ZNF341: variants seen among roughly 807,000 people sequenced by gnomAD.
ZNF341 encodes zinc finger protein 341.
A neutral mutation model predicts 87.7 loss-of-function variants in ZNF341; 52 were observed. The observed-to-expected ratio is 0.59, with a 90% CI of 0.47 to 0.75. The LOEUF (loss-of-function observed/expected upper bound fraction) is 0.75, where lower values mean the gene tolerates loss of function less well. Among genes scored for constraint, ZNF341 ranks in the 30% least tolerant of loss-of-function variants. The pLI, the probability that ZNF341 is intolerant of heterozygous loss-of-function variation, is 0.00. For synonymous variants in ZNF341, 459 were observed against 472.7 expected, an observed-to-expected ratio of 0.97 and a Z score of 0.38; for missense variants, 977 against 1,145.9, an observed-to-expected ratio of 0.85 and a Z score of 2.13.
rs763766522 is a variant in ZNF341 at position 33,770,070 on chromosome 20, C to T, written c.1414-14C>T. On this transcript the variant is annotated splice_polypyrimidine_tract_variant and intron_variant, in intron 9 of 14. Transcript: ENST00000375200. ...CTCCTGCCTCCTGTCACCTGCCCAG[C>T]GTCTTCCCTCAAGGTGTACAAGTGT... 30 of 1,604,656 alleles carry T rather than the reference C, an allele frequency of 1.9e-5. No individual in the cohort carries two copies. The highest frequency in any genetic ancestry group is 1.2e-4 in the Admixed American group (7 of 59,760).
chr20:33,788,591 C>T (rs2019923819), intron 12 of ZNF341: 4 of 469,734 alleles, frequency 8.5e-6, no homozygotes, highest in South Asian at 8.2e-5. Flanking sequence ...GGCCTTTGTA[C>T]CTGCTTTCCC....
intron 3 of ZNF341, among the ~76,000 whole-genome samples, chr20:33,746,479 G>C (rs903766085): frequency 7.2e-5 from 11 of 151,934 alleles, no homozygotes; most frequent in African/African-American, 2.7e-4. Context: ...TGATCTCCCC[G>C]CCTCGGCCGC....
chr20:33,738,378 C>A (rs1057439808), intron 1 of ZNF341, among the ~76,000 whole-genome samples: 13 of 152,116 alleles, frequency 8.5e-5, no homozygotes, highest in African/African-American at 3.1e-4. Context: ...CTACACCTTA[C>A]CAGAATGTAG....
At chr20:33,790,612 T>C (rs2019988920) in intron 14 of ZNF341, among the ~76,000 whole-genome samples, 1 of 152,172 alleles carries the variant, frequency 6.6e-6, no homozygotes, top group Non-Finnish European at 1.5e-5. Context: ...GGTCAATGAC[T>C]TGGACACACA....
intron 2 of ZNF341, among the ~76,000 whole-genome samples, chr20:33,742,028 ATGGGCATT>A: frequency 6.6e-6 from 1 of 152,222 alleles, no homozygotes; most frequent in African/African-American, 2.4e-5. Flanking sequence ...CGAAGTCCTG[ATGGGCATT>A]TGGGCATTTG....
chr20:33,759,399 C>T (rs2122680814), intron 7 of ZNF341, among the ~76,000 whole-genome samples: 1 of 152,306 alleles, frequency 6.6e-6, no homozygotes, highest in East Asian at 1.9e-4. Context: ...ATTCCACTGC[C>T]TCAGCCTCCC....
chr20:33,763,920 A>T (rs2019344664), intron 8 of ZNF341, among the ~76,000 whole-genome samples: 1 of 150,926 alleles, frequency 6.6e-6, no homozygotes, highest in South Asian at 2.2e-4. Flanking sequence ...ATGGTGGCTC[A>T]CGCCTGTAAT....
At chr20:33,748,847 T>TGCACACACGCACACATGAGCAC (rs1680190082) in intron 3 of ZNF341, 76 bp from the exon 4 acceptor site, 3 of 1,445,158 alleles carry the variant, frequency 2.1e-6, no homozygotes, top group Non-Finnish European at 2.8e-6. Flanking sequence ...TGTCCACACA[T>TGCACACACGCACACATGAGCAC]GCACACACGC....
intron 12 of ZNF341, among the ~76,000 whole-genome samples, chr20:33,785,919 C>T (rs1022728882): frequency 5.3e-5 from 8 of 151,956 alleles, no homozygotes; most frequent in Admixed American, 1.3e-4. Flanking sequence ...CCCCCTCCCC[C>T]GGGCCCCCCC....
At chr20:33,762,406 T>C (rs2019313160) in intron 8 of ZNF341, among the ~76,000 whole-genome samples, 1 of 151,636 alleles carries the variant, frequency 6.6e-6, no homozygotes, top group Admixed American at 6.6e-5. Flanking sequence ...ATTGAAATCA[T>C]GGAAAGCAAA....
chr20:33,783,613 G>A, intron 11 of ZNF341, 119 bp from the exon 12 acceptor site: 1 of 1,439,472 alleles, frequency 6.9e-7, no homozygotes, highest in South Asian at 1.2e-5. Context: ...CCTGGCCCCT[G>A]ATAGCCAGAA....
chr20:33,763,480 G>C (rs545828796), intron 8 of ZNF341, among the ~76,000 whole-genome samples: 92 of 152,190 alleles, frequency 6.0e-4, no homozygotes, highest in Non-Finnish European at 1.2e-3. Context: ...CGTATTTTTA[G>C]TAGAGACAAG....
In ZNF341 at chr20:33,747,955, A is replaced by C. The variant is rs1046688873; in HGVS notation, c.340-968A>C. The stretch of plus-strand genomic sequence containing the variant: ...GTGATCCGCCTGTCTTGGCCTCCCA[A>C]AGTGCTGGAATTACAGGCATGAGCC... On this transcript the variant is annotated intron_variant, in intron 3 of 14. Transcript: ENST00000375200. 5.9e-5 allele frequency among the ~76,000 whole-genome samples: 9 copies of C among 151,790 alleles called. 1 individual carries two copies. Among genetic ancestry groups the C allele is most frequent in the African/African-American group, 1.2e-4 (5 of 41,344 alleles).
intron 1 of ZNF341, among the ~76,000 whole-genome samples, chr20:33,736,859 G>A (rs1439273134): frequency 1.3e-5 from 2 of 152,176 alleles, no homozygotes; most frequent in Non-Finnish European, 2.9e-5. Flanking sequence ...TCCAGATATT[G>A]GAAGGAAGTA....
chr20:33,762,220 TACA>T (rs370967425), intron 8 of ZNF341, among the ~76,000 whole-genome samples, 165 bp downstream of exon 8: 46 of 152,266 alleles, frequency 3.0e-4, no homozygotes, highest in African/African-American at 8.2e-4. Context: ...ATGACAAACA[TACA>T]ACATGTGTGG....
At chr20:33,776,624 G>A (rs1023223173) in intron 10 of ZNF341, among the ~76,000 whole-genome samples, 4 of 152,122 alleles carry the variant, frequency 2.6e-5, no homozygotes, top group South Asian at 4.1e-4. Context: ...GGGCTCAAGC[G>A]GTCCACCTGC....
chr20:33,763,031 G>A (rs1165296337), intron 8 of ZNF341, among the ~76,000 whole-genome samples: 2 of 152,146 alleles, frequency 1.3e-5, no homozygotes. Context: ...GCTATGTAAG[G>A]ATGTTTCCAT....
Position 33,732,132 on chromosome 20 carries a change from G to A in ZNF341, c.31+80G>A, listed in dbSNP as rs1235064237. 6.8e-6 allele frequency: 7 copies of A among 1,031,580 alleles called. No homozygotes were observed. Among genetic ancestry groups the A allele is most frequent in the Non-Finnish European group, 8.2e-6 (7 of 858,134 alleles). The allele number at this position is 1,031,580 out of a possible 1,614,324, so 63.9% of individuals were successfully genotyped here. On this transcript the variant is annotated intron_variant, in intron 1 of 14. Coordinates refer to ENST00000375200, the MANE Select transcript of ZNF341 (RefSeq NM_001282933.2). The surrounding 1 kb of genome is among the most constrained non-coding windows in gnomAD (Gnocchi z 4.5). Reference sequence around the variant, plus strand: ...CCGCGCCCTCGCAGCGCCCGGCCTAGGGCGCGCAGCGGCCGCGGGGCGGAG... The same window carrying A: ...CCGCGCCCTCGCAGCGCCCGGCCTAAGGCGCGCAGCGGCCGCGGGGCGGAG...
intron 1 of ZNF341, among the ~76,000 whole-genome samples, chr20:33,739,346 T>G (rs2018755892): frequency 6.6e-6 from 1 of 152,180 alleles, no homozygotes. Flanking sequence ...GCTGAGAGGT[T>G]GGAGGCAGAG....
Sources: allele counts gnomAD v4.1 joint callset (sites outside exome capture counted in the v4.1 genomes callset), GRCh38; gene constraint gnomAD v4.1.1; non-coding constraint Gnocchi (gnomAD v3.1); transcripts MANE v1.5; gene names NCBI Gene and HGNC (gene_info 2026-07-23, HGNC 2026-07-21).